Variants in SHPRH observed in about 807,000 individuals in gnomAD.
SHPRH encodes E3 ubiquitin-protein ligase SHPRH.
SHPRH carries 106 observed loss-of-function variants against 202.5 expected under a neutral mutation model. The ratio of observed to expected loss-of-function variants is 0.52; its 90% CI spans 0.45 to 0.62. The LOEUF is 0.62. SHPRH is among the 20% of genes least tolerant of loss of function. SHPRH has a pLI of 0.00. For missense variants in SHPRH, 1,710 were observed against 2,020.0 expected (o/e 0.85, Z 2.94); for synonymous variants, 729 against 686.0 (o/e 1.06, Z -0.98).
chr6:145,926,161 G>A, intron 16 of SHPRH, 43 bp downstream of exon 16: 2 of 1,536,896 alleles, frequency 1.3e-6, no homozygotes, highest in East Asian at 4.5e-5. Flanking sequence ...CATAAAGTTT[G>A]AAGAAAATAT....
chr6:145,934,336 CAT>C (rs964052272), intron 13 of SHPRH, among the ~76,000 whole-genome samples: 3 of 151,716 alleles, frequency 2.0e-5, no homozygotes, highest in African/African-American at 7.3e-5. Flanking sequence ...CTTGGTGGCA[CAT>C]GTCTGTAATC....
intron 16 of SHPRH, 107 bp downstream of exon 16, chr6:145,926,097 A>G: frequency 9.8e-7 from 1 of 1,023,700 alleles, no homozygotes; most frequent in Non-Finnish European, 1.4e-6. Context: ...ACAGGAAAAC[A>G]TGATTACATT....
Position 145,945,415 on chromosome 6 carries a change from T to C in SHPRH, c.1544A>G (p.Lys515Arg). The C allele has an allele frequency of 1.6e-5, 26 of 1,612,728 alleles. No individual in the cohort carries two copies. Among genetic ancestry groups the C allele is most frequent in the Non-Finnish European group, 2.2e-5 (26 of 1,179,380 alleles). ...SGTFTLGKNY[K>R]EEDICDKTKK... The stretch of plus-strand genomic sequence containing the variant: ...TGTTTTATCACATATATCCTCTTCC[T>C]TGTAATTCTTTCCCAATGTAAAAGT... Residue 515 changes from lysine (K) to arginine (R), a missense_variant, in exon 8 of 30, where the codon AAG (lysine) becomes AGG (arginine). This residue lies in a region of SHPRH where 348 missense variants were observed against 356.9 expected (regional missense o/e 0.97). Transcript: ENST00000275233.
intron 25 of SHPRH, among the ~76,000 whole-genome samples, chr6:145,899,197 A>C (rs913838263): frequency 3.9e-5 from 6 of 152,140 alleles, no homozygotes; most frequent in African/African-American, 1.4e-4. Flanking sequence ...TAGGAAAAAC[A>C]ATTCTAAAAC....
chr6:145,864,943 T>TCACACA lies in SHPRH; in HGVS notation c.222-458_222-453dup, dbSNP rs71552940. Reference sequence around the variant, plus strand: ...AAATAAAATTTATAAACACACACACTCACACACACACACACACACACACAC... The same window carrying TCACACA: ...AAATAAAATTTATAAACACACACACTCACACACACACACACACACACACACACACAC... On this transcript the variant is annotated intron_variant, in intron 2 of 2. Transcript: ENST00000417762. Among the ~76,000 whole-genome samples, 311 of 102,816 alleles carry TCACACA rather than the reference T, an allele frequency of 3.0e-3. 1 individual carries two copies. Among genetic ancestry groups the TCACACA allele is most frequent in the South Asian group, 0.013 (41 of 3,164 alleles). 67.5% of individuals were successfully genotyped at this position (102,816 alleles called of 152,430 possible). A position where few individuals can be genotyped will look rare whatever the true frequency, so the allele number is the denominator to read the frequency against.
chr6:145,937,932 T>G (rs1413018366), intron 11 of SHPRH, among the ~76,000 whole-genome samples: 3 of 152,228 alleles, frequency 2.0e-5, no homozygotes, highest in African/African-American at 4.8e-5. Flanking sequence ...AATTTTCCTT[T>G]TTTTCATTTG....
Position 145,958,962 on chromosome 6 carries a change from A to C in SHPRH, c.-32-3608T>G, listed in dbSNP as rs527875859. ...ATTCTCCTGCCTCAGCCTCCTGAGTAGCTGGGACTACAGGCGCCTGCCACT... is the reference window on the plus strand; with the variant it reads ...ATTCTCCTGCCTCAGCCTCCTGAGTCGCTGGGACTACAGGCGCCTGCCACT... On this transcript the variant is annotated intron_variant, in intron 1 of 29. Transcript: ENST00000275233. Among the ~76,000 whole-genome samples the C allele has an allele frequency of 3.0e-4, 46 of 152,126 alleles. No homozygotes were observed. In the South Asian group the frequency reaches 8.7e-3, roughly 29 times the overall value.
chr6:145,961,111 A>G, intron 1 of SHPRH, among the ~76,000 whole-genome samples: 1 of 152,104 alleles, frequency 6.6e-6, no homozygotes, highest in East Asian at 1.9e-4. Flanking sequence ...CAGGCCACGG[A>G]CTGGCACCGG....
At chr6:145,947,793 G>A in intron 5 of SHPRH, 150 bp from the exon 6 acceptor site, 3 of 1,077,536 alleles carry the variant, frequency 2.8e-6, no homozygotes, top group Non-Finnish European at 3.9e-6. Flanking sequence ...TCAAACCTTA[G>A]ATTACAAACA....
At chr6:145,954,447 G>A (rs1293645816) in intron 2 of SHPRH, among the ~76,000 whole-genome samples, 4 of 152,108 alleles carry the variant, frequency 2.6e-5, no homozygotes, top group East Asian at 1.9e-4. Flanking sequence ...TGCAGTAAGA[G>A]GAACTGATGA....
At chr6:145,910,760 A>G in intron 24 of SHPRH, 124 bp from the exon 25 acceptor site, 1 of 960,752 alleles carries the variant, frequency 1.0e-6, no homozygotes, top group Non-Finnish European at 1.4e-6. Context: ...CTTTGTCATA[A>G]AGCCAAGTTG....
intron 3 of SHPRH, among the ~76,000 whole-genome samples, chr6:145,951,350 A>C (rs1195615114): frequency 6.6e-6 from 1 of 152,082 alleles, no homozygotes; most frequent in Non-Finnish European, 1.5e-5. Context: ...ATAACTTCTA[A>C]AACTAAAAGA....
intron 1 of SHPRH, among the ~76,000 whole-genome samples, chr6:145,956,691 C>T (rs7747576): frequency 0.63 from 95,652 of 151,914 alleles, 30,628 homozygotes; most frequent in African/African-American, 0.73. Flanking sequence ...TAAAAGATAA[C>T]TTACTATACT....
intron 24 of SHPRH, 86 bp from the exon 25 acceptor site, chr6:145,910,722 C>A (rs1402588868): frequency 1.6e-6 from 2 of 1,279,672 alleles, no homozygotes; most frequent in East Asian, 5.0e-5. Context: ...GCAATTTTTC[C>A]TCCTAAAGAT....
rs776312479 is a variant in SHPRH at position 145,919,419 on chromosome 6, G to A, written c.4081C>T (p.Arg1361Ter). ...TCCCTAGGATCACGCACTCTTAGTC[G>A]TTCTGTAGCCATTGCAAGTTCATCA... ...AVDELAMATE[R>*]LRVRDPREPK... The change falls in exon 22 of 30, where the codon CGA becomes TGA. Residue 1361 changes from arginine to a stop codon, truncating the protein, a stop_gained. Transcript: ENST00000275233. LOFTEE classifies it high-confidence loss of function. 5.0e-6 allele frequency: 8 copies of A among 1,613,106 alleles called. No homozygotes were observed. Among genetic ancestry groups the A allele is most frequent in the South Asian group, 2.2e-5 (2 of 91,048 alleles).
chr6:145,858,180 C>A, the SHPRH span, among the ~76,000 whole-genome samples: 197 of 152,132 alleles, frequency 1.3e-3, no homozygotes, highest in Non-Finnish European at 2.1e-3. Context: ...GGTCACCACA[C>A]CTACCATATA....
intron 24 of SHPRH, among the ~76,000 whole-genome samples, chr6:145,911,166 C>T (rs1202481067): frequency 1.3e-5 from 2 of 152,068 alleles, no homozygotes; most frequent in African/African-American, 2.4e-5. Context: ...CTTGCTCTGT[C>T]GCCCAGACTG....
chr6:145,951,665 T>C, intron 3 of SHPRH: 1 of 363,140 alleles, frequency 2.8e-6, no homozygotes, highest in South Asian at 2.1e-5. Context: ...CGATTTACTA[T>C]TACTGATATT....
intron 2 of SHPRH, among the ~76,000 whole-genome samples, chr6:145,872,537 G>C (rs572981426): frequency 6.6e-6 from 1 of 152,050 alleles, no homozygotes; most frequent in Non-Finnish European, 1.5e-5. Flanking sequence ...GTCAAAAAAT[G>C]ACAGATGCTG....
Sources: gnomAD v4.1 joint callset for allele counts (sites outside exome capture counted in the v4.1 genomes callset) on GRCh38, gnomAD v4.1.1 for gene constraint, gnomAD v4.1.1 regional missense constraint, MANE v1.5 for transcripts, NCBI Gene and HGNC (gene_info 2026-07-23, HGNC 2026-07-21) for gene names.